Variants in PKN2 observed in about 807,000 individuals in gnomAD.
PKN2 encodes the protein serine/threonine-protein kinase N2.
Under a neutral mutation model 119.1 loss-of-function variants are expected in PKN2, and 38 were observed. That is an observed-to-expected ratio of 0.32 (90% CI 0.25 to 0.42). The LOEUF is 0.42. Ranked by LOEUF, PKN2 falls within the 10% of genes least tolerant of loss-of-function variation. The pLI is 1.00. For missense variants in PKN2, 850 were observed against 1,165.1 expected, an observed-to-expected ratio of 0.73 and a Z score of 3.94; for synonymous variants, 390 against 384.9, an observed-to-expected ratio of 1.01 and a Z score of -0.15.
intron 16 of PKN2, among the ~76,000 whole-genome samples, chr1:88,820,209 T>A (rs1220532562): frequency 9.0e-6 from 1 of 110,546 alleles, no homozygotes; most frequent in Admixed American, 9.3e-5. Context: ...TATATATATA[T>A]ATATATATAT....
intron 18 of PKN2, among the ~76,000 whole-genome samples, chr1:88,827,055 A>G (rs566621133): frequency 6.6e-6 from 1 of 152,182 alleles, no homozygotes; most frequent in African/African-American, 2.4e-5. Context: ...ATTCATTTCT[A>G]TTTTATAGTC....
At chr1:88,776,408 G>A (rs753479777) in intron 6 of PKN2, among the ~76,000 whole-genome samples, 6 of 150,976 alleles carry the variant, frequency 4.0e-5, no homozygotes, top group Non-Finnish European at 8.8e-5. Flanking sequence ...TATATATATA[G>A]AATTCTTGGC....
At position 88,685,025 on chromosome 1, in the gene PKN2, T is replaced by A. The variant is rs571019682; in HGVS notation, c.48+397T>A. 4 of 193,202 alleles carry A rather than the reference T, an allele frequency of 2.1e-5. No individual in the cohort carries two copies. The East Asian group carries it at 4.8e-4, about 23-fold the overall frequency. 12.0% of individuals were successfully genotyped at this position (193,202 alleles called of 1,614,324 possible). A position where few individuals can be genotyped will look rare whatever the true frequency, so the allele number is the denominator to read the frequency against. On this transcript the variant is annotated intron_variant, in intron 1 of 21. Coordinates refer to ENST00000370521, the MANE Select transcript of PKN2 (RefSeq NM_006256.4). Reference sequence around the variant, plus strand: ...CGGCCGGGCCCCGCCCCGCCTTTCCTCCGTACACCGCTCCTTAAACTCCTT... The same window carrying A: ...CGGCCGGGCCCCGCCCCGCCTTTCCACCGTACACCGCTCCTTAAACTCCTT...
chr1:88,798,843 AAG>A (rs1441238180), intron 8 of PKN2, among the ~76,000 whole-genome samples: 1 of 152,204 alleles, frequency 6.6e-6, no homozygotes, highest in East Asian at 1.9e-4. Flanking sequence ...GATACATAAA[AAG>A]ATAGCTGCGT....
chr1:88,801,122 G>A lies in PKN2; in HGVS notation c.1282-3269G>A, dbSNP rs190834634. Among the ~76,000 whole-genome samples, 10 of 152,300 alleles carry A rather than the reference G, an allele frequency of 6.6e-5. No homozygotes were observed. The East Asian group carries it at 1.5e-3, about 23-fold the overall frequency. ...CATTGGGCCAGGCACAGTGGCTCAC[G>A]ACTGTAATCTCAGCACTTTGGGGGA... On this transcript the variant is annotated intron_variant, in intron 8 of 21. Coordinates refer to ENST00000370521, the MANE Select transcript of PKN2 (RefSeq NM_006256.4).
At position 88,834,536 on chromosome 1, in the gene PKN2, TGTACA is replaced by T. The variant is rs1672864314; in HGVS notation, c.*1089_*1093del. The T allele has an allele frequency of 6.6e-6, 1 of 152,632 alleles. No individual in the cohort carries two copies. Among genetic ancestry groups the T allele is most frequent in the South Asian group, 2.1e-4 (1 of 4,828 alleles). 9.5% of individuals were successfully genotyped at this position (152,632 alleles called of 1,614,324 possible). ...CTCCAGCATTTACATTAAGTGCATT[TGTACA>T]TTTTAGGCCACTGGATCCAGATTTT... On this transcript the variant is annotated 3_prime_UTR_variant, in exon 22 of 22. Coordinates refer to ENST00000370521, the MANE Select transcript of PKN2 (RefSeq NM_006256.4).
chr1:88,684,490 C>G lies in PKN2; in HGVS notation c.-91C>G, dbSNP rs1665986556. On this transcript the variant is annotated 5_prime_UTR_variant, in exon 1 of 22. Transcript: ENST00000370521. The stretch of plus-strand genomic sequence containing the variant: ...TTGTTTTTTTTTTTTTCTTTCTCTC[C>G]CCTCTCCTCACCCCCACCCCGAGCC... The G allele has an allele frequency of 6.6e-6, 7 of 1,053,072 alleles. No homozygotes were observed. The highest frequency in any genetic ancestry group is 9.5e-6 in the Non-Finnish European group (7 of 737,098). 65.2% of individuals were successfully genotyped at this position (1,053,072 alleles called of 1,614,324 possible).
chr1:88,824,672 C>T (rs529027431), intron 18 of PKN2, among the ~76,000 whole-genome samples: 14 of 152,166 alleles, frequency 9.2e-5, no homozygotes, highest in Non-Finnish European at 1.3e-4. Context: ...GCACCAAAAT[C>T]GTTTATTCTG....
chr1:88,776,756 G>T (rs551182938), intron 6 of PKN2, among the ~76,000 whole-genome samples: 50 of 150,742 alleles, frequency 3.3e-4, no homozygotes, highest in Admixed American at 1.6e-3. Flanking sequence ...AAAAAAAAAA[G>T]TCCTCCTGCT....
chr1:88,743,171 CAG>C (rs1277031836), intron 2 of PKN2, among the ~76,000 whole-genome samples: 4 of 152,170 alleles, frequency 2.6e-5, no homozygotes, highest in Admixed American at 6.5e-5. Flanking sequence ...GCCTGGGCAA[CAG>C]AGAGCGATTC....
intron 8 of PKN2, among the ~76,000 whole-genome samples, chr1:88,788,744 C>G (rs1469217931): frequency 6.6e-6 from 1 of 152,072 alleles, no homozygotes; most frequent in Non-Finnish European, 1.5e-5. Context: ...CGTGCCTGGC[C>G]TAATCCAGGA....
At chr1:88,831,968 A>T (rs1295875346) in intron 19 of PKN2, among the ~76,000 whole-genome samples, 1 of 152,018 alleles carries the variant, frequency 6.6e-6, no homozygotes, top group Admixed American at 6.6e-5. Flanking sequence ...TCAAATTGTC[A>T]TACTGAATAT....
intron 6 of PKN2, among the ~76,000 whole-genome samples, chr1:88,779,298 T>G (rs1670233341): frequency 6.6e-6 from 1 of 152,186 alleles, no homozygotes; most frequent in Non-Finnish European, 1.5e-5. Context: ...AGTAAACCTT[T>G]GAATGTTTTC....
At chr1:88,804,708 T>G (rs1246197319) in intron 9 of PKN2, 138 bp from the exon 10 acceptor site, 2 of 754,254 alleles carry the variant, frequency 2.7e-6, no homozygotes, top group East Asian at 5.3e-5. Context: ...ATTCTTCCTA[T>G]GTCTGTTTTC....
At chr1:88,754,434 T>C (rs1390449154) in intron 2 of PKN2, among the ~76,000 whole-genome samples, 2 of 152,218 alleles carry the variant, frequency 1.3e-5, no homozygotes, top group East Asian at 3.8e-4. Context: ...TACAGTGTAG[T>C]ACACATTTCA....
At chr1:88,737,779 T>G (rs1159037988) in intron 1 of PKN2, among the ~76,000 whole-genome samples, 1 of 152,184 alleles carries the variant, frequency 6.6e-6, no homozygotes, top group Non-Finnish European at 1.5e-5. Flanking sequence ...AAGTCAAAAG[T>G]CCTGCACTCA....
intron 8 of PKN2, among the ~76,000 whole-genome samples, chr1:88,787,353 A>G (rs1160529856): frequency 6.6e-6 from 1 of 152,176 alleles, no homozygotes; most frequent in Non-Finnish European, 1.5e-5. Context: ...GATTTTTCTT[A>G]TAACAAGGTT....
rs1440758622 is a variant in PKN2, at chr1:88,684,637, C to A, written c.48+9C>A. On this transcript the variant is annotated intron_variant, in intron 1 of 21. Coordinates refer to ENST00000370521, the MANE Select transcript of PKN2 (RefSeq NM_006256.4). ...TGCTCACGGAACTGCAGGTAAGGGC[C>A]GCGGCCCTGGTGAGAGGCGCTGGCG... 6.5e-7 allele frequency: 1 copy of A among 1,548,288 alleles called. No individual in the cohort carries two copies. Among genetic ancestry groups the A allele is most frequent in the East Asian group, 2.6e-5 (1 of 39,050 alleles).
At chr1:88,699,740 C>T (rs1666696317) in intron 1 of PKN2, among the ~76,000 whole-genome samples, 1 of 151,818 alleles carries the variant, frequency 6.6e-6, no homozygotes. Flanking sequence ...ATCCATGTCC[C>T]TGCAAAGGAC....
Sources: allele counts gnomAD v4.1 joint callset (sites outside exome capture counted in the v4.1 genomes callset), GRCh38; gene constraint gnomAD v4.1.1; transcripts MANE v1.5; gene names NCBI Gene and HGNC (gene_info 2026-07-23, HGNC 2026-07-21).